Variants in RNF213 observed in about 807,000 individuals in gnomAD.
The protein encoded by RNF213 is ring finger protein 213, also known as E3 ubiquitin-protein ligase RNF213.
In RNF213, 341 loss-of-function variants were observed where a neutral mutation model predicts 514.4. The ratio of observed to expected loss-of-function variants is 0.66; its 90% CI spans 0.61 to 0.73. RNF213 has a LOEUF of 0.73. Ranked by LOEUF, RNF213 falls within the 30% of genes least tolerant of loss-of-function variation. The pLI, the probability that RNF213 is intolerant of heterozygous loss-of-function variation, is 0.00. For missense variants in RNF213, 5,767 were observed against 6,615.6 expected (o/e 0.87, Z 4.45); for synonymous variants, 2,655 against 2,658.2 (o/e 1.00, Z 0.04).
At chr17:80,359,586 G>C (rs1008845563) in intron 37 of RNF213, among the ~76,000 whole-genome samples, 1 of 130,204 alleles carries the variant, frequency 7.7e-6, no homozygotes, top group Non-Finnish European at 1.7e-5. Context: ...AAGGAAGAAA[G>C]AGAAAGAAAG....
chr17:80,348,251 A>G lies in RNF213; in HGVS notation c.9916A>G (p.Thr3306Ala). The G allele has an allele frequency of 6.2e-7, 1 of 1,613,950 alleles. No individual in the cohort carries two copies. The highest frequency in any genetic ancestry group is 8.5e-7 in the Non-Finnish European group (1 of 1,180,048). ...FADFLQAHLH[T>A]ADLERHAIFT... ...AGATTTCCTTCAGGCACACCTGCAC[A>G]CGGCAGACCTGGAGCGCCACGCCAT... is the stretch of plus-strand genomic sequence containing the variant. The change falls in exon 29 of 68, where the codon ACG becomes GCG. Residue 3306 changes from threonine to alanine, a missense_variant. Coordinates refer to ENST00000582970, the MANE Select transcript of RNF213 (RefSeq NM_001256071.3).
intron 46 of RNF213, 53 bp downstream of exon 46, chr17:80,369,920 T>A: frequency 8.0e-7 from 1 of 1,256,782 alleles, no homozygotes; most frequent in South Asian, 1.2e-5. Context: ...TTTCTCTTCA[T>A]CGCAGCGTTT....
chr17:80,339,175 C>T, intron 25 of RNF213, 26 bp from the exon 26 acceptor site: 1 of 1,454,820 alleles, frequency 6.9e-7, no homozygotes, highest in Non-Finnish European at 9.0e-7. Flanking sequence ...GCTCTGTGAG[C>T]CAACCTCATG....
chr17:80,349,057 TC>T (rs1287210599), intron 29 of RNF213, among the ~76,000 whole-genome samples: 1 of 151,996 alleles, frequency 6.6e-6, no homozygotes, highest in African/African-American at 2.4e-5. Context: ...CGAGAGATAC[TC>T]AGGAGGCAAT....
intron 14 of RNF213, 22 bp from the exon 15 acceptor site, chr17:80,312,990 C>T (rs2045622741): frequency 6.2e-7 from 1 of 1,613,300 alleles, no homozygotes; most frequent in South Asian, 1.1e-5. Flanking sequence ...GATGACTGAC[C>T]CTCCCTCTTG....
At chr17:80,350,219 T>G (rs995249003) in intron 30 of RNF213, 82 bp from the exon 31 acceptor site, 8 of 908,934 alleles carry the variant, frequency 8.8e-6, no homozygotes, top group Admixed American at 7.6e-5. Context: ...GTAGCCTTTA[T>G]GTTTCCCATC....
chr17:80,349,227 G>T (rs571722849), intron 29 of RNF213, among the ~76,000 whole-genome samples: 5 of 152,172 alleles, frequency 3.3e-5, no homozygotes, highest in Non-Finnish European at 5.9e-5. Context: ...GATGTCCGCC[G>T]GGGACAGGTT....
rs149885418 is a variant in RNF213, at chr17:80,357,448, C to T, written c.10863-840C>T. Among the ~76,000 whole-genome samples, 7 of 152,284 alleles carry T rather than the reference C, an allele frequency of 4.6e-5. No homozygotes were observed. In the East Asian group the frequency reaches 1.3e-3, roughly 29 times the overall value. Reference sequence around the variant, plus strand: ...CTATCAGACACTCAGATCTAGTGTACAAAAACATCAACAGGAACAAATACT... The same window carrying T: ...CTATCAGACACTCAGATCTAGTGTATAAAAACATCAACAGGAACAAATACT... On this transcript the variant is annotated intron_variant, in intron 36 of 67. Transcript: ENST00000582970.
Position 80,353,174 on chromosome 17 carries a change from C to A in RNF213, c.10423+115C>A. 1.4e-6 allele frequency: 2 copies of A among 1,438,262 alleles called. No homozygotes were observed. Among genetic ancestry groups the A allele is most frequent in the Middle Eastern group, 1.8e-4 (1 of 5,688 alleles). 89.1% of individuals were successfully genotyped at this position (1,438,262 alleles called of 1,614,324 possible). On this transcript the variant is annotated intron_variant, in intron 33 of 67. Transcript: ENST00000582970. The surrounding 1 kb of genome is among the most constrained non-coding windows in gnomAD (Gnocchi z 5.0). Reference sequence around the variant, plus strand: ...AGGGCCACCGTGTTTCGTCCCTCGGCAGGAGCTCGGGGACACATCTGCAGA... The same window carrying A: ...AGGGCCACCGTGTTTCGTCCCTCGGAAGGAGCTCGGGGACACATCTGCAGA...
At chr17:80,383,267 C>G (rs1248852030) in intron 58 of RNF213, among the ~76,000 whole-genome samples, 197 bp downstream of exon 58, 2 of 152,202 alleles carry the variant, frequency 1.3e-5, no homozygotes, top group African/African-American at 4.8e-5. Flanking sequence ...CCTCCTACAG[C>G]TGGTCATGAA....
chr17:80,295,441 T>G, intron 9 of RNF213, 116 bp from the exon 10 acceptor site: 1 of 1,306,894 alleles, frequency 7.7e-7, no homozygotes. Context: ...CTCACAGGTG[T>G]GGTGGTGGGG....
intron 46 of RNF213, among the ~76,000 whole-genome samples, chr17:80,370,760 C>G (rs530491302): frequency 2.6e-5 from 4 of 152,150 alleles, no homozygotes; most frequent in African/African-American, 9.7e-5. Context: ...GTTCATGGAC[C>G]GCCACCCGTG....
chr17:80,368,125 C>A lies in RNF213; in HGVS notation c.12137C>A (p.Ala4046Asp). 1 of 1,614,266 alleles carries A rather than the reference C, an allele frequency of 6.2e-7. No homozygotes were observed. The highest frequency in any genetic ancestry group is 8.5e-7 in the Non-Finnish European group (1 of 1,180,046). The change falls in exon 44 of 68, where the codon GCT becomes GAT. Residue 4046 changes from alanine to aspartate, a missense_variant. Coordinates refer to ENST00000582970, the MANE Select transcript of RNF213 (RefSeq NM_001256071.3). Reference sequence around the variant, plus strand: ...GCCTTGCCAGACGAATTCTCTCCAGCTGTTTCCCAAGCGCACAGGTACAAC... The same window carrying A: ...GCCTTGCCAGACGAATTCTCTCCAGATGTTTCCCAAGCGCACAGGTACAAC... ...LTALPDEFSPAVSQAHREAIE... is the reference protein window; with the variant it reads ...LTALPDEFSPDVSQAHREAIE...
rs1568173108 is a variant in RNF213 at position 80,388,598 on chromosome 17, CT to C, written c.14923-11del. 1.3e-6 allele frequency: 2 copies of C among 1,585,228 alleles called. No homozygotes were observed. The highest frequency in any genetic ancestry group is 1.8e-4 in the Middle Eastern group (1 of 5,646). On this transcript the variant is annotated splice_polypyrimidine_tract_variant and intron_variant, in intron 63 of 67. Coordinates refer to ENST00000582970, the MANE Select transcript of RNF213 (RefSeq NM_001256071.3). ...GGATTTAATTTTAAAAAACTTTTTT[CT>C]TTCCCAATTTAGGGAATACCCACTC...
At chr17:80,381,155 A>G in intron 56 of RNF213, 168 bp downstream of exon 56, 6 of 758,172 alleles carry the variant, frequency 7.9e-6, no homozygotes, top group Non-Finnish European at 1.4e-5. Flanking sequence ...CCTGTGGCGT[A>G]TGATGGTATG....
intron 2 of RNF213, among the ~76,000 whole-genome samples, chr17:80,265,377 G>A (rs953415490): frequency 2.0e-5 from 3 of 152,164 alleles, no homozygotes; most frequent in African/African-American, 7.2e-5. Context: ...ATAATAGTGC[G>A]GAGAGCACTG....
rs1270682099 is a variant in RNF213 at position 80,290,616 on chromosome 17, ATC to A, written c.1165_1166del (p.Leu389SerfsTer7). 2 of 1,614,144 alleles carry A rather than the reference ATC, an allele frequency of 1.2e-6. No homozygotes were observed. Among genetic ancestry groups the A allele is most frequent in the African/African-American group, 1.3e-5 (1 of 75,032 alleles). Reference protein sequence around the residue: ...GGVTVFFHAIISLHFPFNPDL... With the variant: ...GGVTVFFHAIXSLHFPFNPDL... ...AGTCACCGTGTTCTTCCACGCCATC[ATC>A]TCTCTTCATTTCCCATTCAATCCTG... On this transcript the variant is annotated frameshift_variant, in exon 7 of 68. Coordinates refer to ENST00000582970, the MANE Select transcript of RNF213 (RefSeq NM_001256071.3). LOFTEE classifies it high-confidence loss of function.
chr17:80,376,623 G>A (rs2079772126), intron 52 of RNF213, 80 bp downstream of exon 52: 44 of 1,592,964 alleles, frequency 2.8e-5, no homozygotes, highest in Non-Finnish European at 2.6e-6. Context: ...AGCTGCAGCT[G>A]TGGGAACTCT....
rs964029209 is a variant in RNF213 at position 80,353,963 on chromosome 17, C to T, written c.10579-56C>T. On this transcript the variant is annotated intron_variant, in intron 34 of 67. Coordinates refer to ENST00000582970, the MANE Select transcript of RNF213 (RefSeq NM_001256071.3). This position sits in a 1 kb window ranked among gnomAD's most constrained non-coding sequence, Gnocchi z 5.0. ...CCCTCATCGCATACGGGCGGTTTGGCTTTTGCCCACTGTGTCAGTGGCAGA... is the reference window on the plus strand; with the variant it reads ...CCCTCATCGCATACGGGCGGTTTGGTTTTTGCCCACTGTGTCAGTGGCAGA... 6.2e-7 allele frequency: 1 copy of T among 1,611,008 alleles called. No individual in the cohort carries two copies.
Sources: allele counts gnomAD v4.1 joint callset (sites outside exome capture counted in the v4.1 genomes callset), GRCh38; gene constraint gnomAD v4.1.1; non-coding constraint Gnocchi (gnomAD v3.1); transcripts MANE v1.5; gene names NCBI Gene and HGNC (gene_info 2026-07-23, HGNC 2026-07-21).